Variants in TMEM116 observed in about 807,000 individuals in gnomAD.
The protein encoded by TMEM116 is transmembrane protein 116.
A neutral mutation model predicts 44.3 loss-of-function variants in TMEM116; 38 were observed. The observed-to-expected ratio is 0.86, with a 90% CI of 0.66 to 1.12. The LOEUF (loss-of-function observed/expected upper bound fraction) is 1.12, where lower values mean the gene tolerates loss of function less well. TMEM116 is among the 50% of genes most tolerant of loss of function. The pLI is 0.00. For missense variants in TMEM116, 354 were observed against 401.7 expected (o/e 0.88, Z 1.01); for synonymous variants, 132 against 144.8 (o/e 0.91, Z 0.64).
intron 1 of TMEM116, among the ~76,000 whole-genome samples, chr12:112,008,823 T>C (rs2077705061): frequency 6.6e-6 from 1 of 151,574 alleles, no homozygotes; most frequent in Non-Finnish European, 1.5e-5. Context: ...TACAAATAAA[T>C]ACATAGCCAG....
intron 4 of TMEM116, among the ~76,000 whole-genome samples, chr12:111,961,264 A>G (rs996618635): frequency 2.6e-5 from 4 of 152,210 alleles, no homozygotes; most frequent in African/African-American, 4.8e-5. Context: ...AGCTGGTACC[A>G]TTTCTTCCGA....
At chr12:111,980,127 C>T in intron 4 of TMEM116, among the ~76,000 whole-genome samples, 1 of 152,186 alleles carries the variant, frequency 6.6e-6, no homozygotes. Flanking sequence ...AACCTGCATA[C>T]TAATGTTTAT....
intron 3 of TMEM116, chr12:112,000,851 C>T (rs1034761615): frequency 4.2e-6 from 2 of 471,072 alleles, no homozygotes; most frequent in African/African-American, 4.0e-5. Flanking sequence ...TAATTCCTGG[C>T]TCCTCCCCGA....
chr12:111,971,755 T>C (rs2075353390), intron 4 of TMEM116, among the ~76,000 whole-genome samples: 1 of 152,008 alleles, frequency 6.6e-6, no homozygotes, highest in Non-Finnish European at 1.5e-5. Flanking sequence ...GAAGTGTACT[T>C]TATACATAAA....
intron 5 of TMEM116, among the ~76,000 whole-genome samples, chr12:111,939,369 C>T (rs2072461451): frequency 6.7e-6 from 1 of 150,152 alleles, no homozygotes; most frequent in Non-Finnish European, 1.5e-5. Flanking sequence ...AAGAGAATTG[C>T]TTGAACCCGG....
chr12:111,991,473 G>A (rs1346718060), intron 4 of TMEM116, among the ~76,000 whole-genome samples: 25 of 147,274 alleles, frequency 1.7e-4, no homozygotes, highest in African/African-American at 5.8e-4. Flanking sequence ...GCAGTGAGCC[G>A]AGATCGCACC....
intron 1 of TMEM116, among the ~76,000 whole-genome samples, chr12:112,006,599 T>C (rs760219595): frequency 2.6e-5 from 4 of 152,172 alleles, no homozygotes; most frequent in East Asian, 1.9e-4. Flanking sequence ...ATGGAAGATA[T>C]AAAAAGAAAT....
intron 3 of TMEM116, among the ~76,000 whole-genome samples, chr12:111,995,206 T>C (rs2076862635): frequency 6.6e-6 from 1 of 152,146 alleles, no homozygotes; most frequent in African/African-American, 2.4e-5. Context: ...AAAACTAACA[T>C]AGACCTAGAG....
At chr12:112,005,173 TC>T (rs2077511888) in intron 2 of TMEM116, 83 bp downstream of exon 2, 1 of 941,466 alleles carries the variant, frequency 1.1e-6, no homozygotes, top group African/African-American at 1.8e-5. Context: ...TAAAAGCAAA[TC>T]CCCAAGGGGG....
intron 4 of TMEM116, among the ~76,000 whole-genome samples, chr12:111,957,797 G>A (rs532989185): frequency 1.6e-4 from 24 of 152,348 alleles, no homozygotes; most frequent in African/African-American, 4.6e-4. Flanking sequence ...CATTGAGAAC[G>A]GGCCATGATG....
intron 4 of TMEM116, among the ~76,000 whole-genome samples, chr12:111,990,194 G>A (rs979789855): frequency 2.0e-5 from 3 of 151,378 alleles, no homozygotes; most frequent in African/African-American, 7.3e-5. Flanking sequence ...GGTGGAGCTT[G>A]CAGTGAGCCA....
At chr12:111,940,531 A>G (rs1366149530) in intron 5 of TMEM116, among the ~76,000 whole-genome samples, 4 of 116,654 alleles carry the variant, frequency 3.4e-5, no homozygotes, top group African/African-American at 1.8e-4. Context: ...GTGTATATAT[A>G]TATATATATA....
chr12:112,005,183 G>C, intron 2 of TMEM116, 74 bp downstream of exon 2: 1 of 1,019,336 alleles, frequency 9.8e-7, no homozygotes, highest in South Asian at 1.9e-5. Flanking sequence ...TCCCCAAGGG[G>C]GAAATGTGGA....
intron 4 of TMEM116, among the ~76,000 whole-genome samples, chr12:111,950,121 CAA>C (rs762340398): frequency 2.6e-5 from 4 of 151,444 alleles, no homozygotes; most frequent in African/African-American, 9.7e-5. Context: ...CTCTCAAAAA[CAA>C]AACAAAACAA....
At chr12:111,989,461 G>A (rs1020656751) in intron 4 of TMEM116, among the ~76,000 whole-genome samples, 12 of 152,288 alleles carry the variant, frequency 7.9e-5, no homozygotes, top group South Asian at 4.1e-4. Flanking sequence ...TCAAACCAGC[G>A]TAGCCAAGGC....
chr12:111,972,807 A>C (rs1045628815), intron 4 of TMEM116, among the ~76,000 whole-genome samples: 3 of 151,906 alleles, frequency 2.0e-5, no homozygotes, highest in African/African-American at 7.3e-5. Flanking sequence ...ACCCAGGAGG[A>C]GGAGGTTGCA....
intron 1 of TMEM116, chr12:112,012,077 T>C (rs2077865461): frequency 6.6e-6 from 1 of 152,258 alleles, no homozygotes; most frequent in South Asian, 2.1e-4. Flanking sequence ...GTTGCGCCAG[T>C]TCGCCTTTAC....
At chr12:111,966,077 C>T (rs1238355797) in intron 4 of TMEM116, among the ~76,000 whole-genome samples, 3 of 152,122 alleles carry the variant, frequency 2.0e-5, no homozygotes, top group Non-Finnish European at 2.9e-5. Context: ...GAGGCTGAGG[C>T]GGCTGATCAC....
chr12:111,999,582 G>C (rs1042033318), intron 3 of TMEM116, among the ~76,000 whole-genome samples: 4 of 151,488 alleles, frequency 2.6e-5, no homozygotes, highest in African/African-American at 9.7e-5. Context: ...TTGGGCTACA[G>C]AGCGAGACTC....
Sources: gnomAD v4.1 joint callset for allele counts (sites outside exome capture counted in the v4.1 genomes callset) on GRCh38, gnomAD v4.1.1 for gene constraint, MANE v1.5 for transcripts, NCBI Gene and HGNC (gene_info 2026-07-23, HGNC 2026-07-21) for gene names.